The following CINP variants were observed in gnomAD, a reference collection of about 807,000 sequenced individuals.
CINP encodes the protein cyclin-dependent kinase 2-interacting protein.
A neutral mutation model predicts 20.5 loss-of-function variants in CINP; 11 were observed. That is an observed-to-expected ratio of 0.54 (90% CI 0.34 to 0.89). CINP has a LOEUF of 0.89. CINP is among the 40% of genes least tolerant of loss of function. CINP has a pLI of 0.02. For missense variants in CINP, 213 were observed against 251.0 expected (o/e 0.85, Z 1.02); for synonymous variants, 108 against 102.1 (o/e 1.06, Z -0.35).
Position 102,348,445 on chromosome 14 carries a change from A to T in CINP, c.*112T>A. On this transcript the variant is annotated 3_prime_UTR_variant, in exon 5 of 5. Coordinates refer to ENST00000216756, the MANE Select transcript of CINP (RefSeq NM_032630.3). ...GCTGGTGACAAGCTCTGGCCAGAAG[A>T]CCCCAAGGTCTGATCCTGGGGTCTG... The T allele has an allele frequency of 1.2e-6, 1 of 837,368 alleles. No homozygotes were observed. The highest frequency in any genetic ancestry group is 1.7e-6 in the Non-Finnish European group (1 of 580,280). 51.9% of individuals were successfully genotyped at this position (837,368 alleles called of 1,614,324 possible).
In CINP at chr14:102,357,361, G is replaced by A. The variant is rs1887022187; in HGVS notation, c.177-1464C>T. ...TGCACCATTGCACTCCAGCCTGAGC[G>A]ACAGAGCGAGACTCCATCTCTACAA... On this transcript the variant is annotated intron_variant, in intron 2 of 4. Transcript: ENST00000216756. Among the ~76,000 whole-genome samples, 6 of 115,336 alleles carry A rather than the reference G, an allele frequency of 5.2e-5. No individual in the cohort carries two copies. The Admixed American group carries it at 5.3e-4, about 10-fold the overall frequency. The allele number at this position is 115,336 out of a possible 152,430, so 75.7% of individuals were successfully genotyped here. A position where few individuals can be genotyped will look rare whatever the true frequency, so the allele number is the denominator to read the frequency against.
chr14:102,359,134 G>A (rs2139634066), intron 2 of CINP, among the ~76,000 whole-genome samples: 1 of 151,298 alleles, frequency 6.6e-6, no homozygotes, highest in Non-Finnish European at 1.5e-5. Flanking sequence ...CCAGGCGGTA[G>A]AGGTTGCAGT....
Position 102,351,266 on chromosome 14 carries a change from T to C in CINP, c.307-1218A>G, listed in dbSNP as rs11629266. On this transcript the variant is annotated intron_variant, in intron 3 of 4. Coordinates refer to ENST00000216756, the MANE Select transcript of CINP (RefSeq NM_032630.3). This position sits in a 1 kb window ranked among gnomAD's most constrained non-coding sequence, Gnocchi z 4.2. ...CAAGCTGCCATTGACGGTCCCTCAG[T>C]GTGGACCAGGCTCTGTCCTAAGCCC... Among the ~76,000 whole-genome samples, 106,080 of 152,114 alleles carry C rather than the reference T, an allele frequency of 0.7. 37,199 individuals carry two copies. The highest frequency in any genetic ancestry group is 0.73 in the Middle Eastern group (214 of 294).
chr14:102,352,201 C>T (rs1458196420), intron 3 of CINP, among the ~76,000 whole-genome samples: 2 of 152,146 alleles, frequency 1.3e-5, no homozygotes, highest in East Asian at 3.9e-4. Flanking sequence ...CAAGTTTTAA[C>T]ACCCAATCCT....
chr14:102,359,743 A>C, intron 1 of CINP, 156 bp from the exon 2 acceptor site: 1 of 493,758 alleles, frequency 2.0e-6, no homozygotes, highest in Non-Finnish European at 3.5e-6. Flanking sequence ...ATGAATGTGA[A>C]AGTTCCTGGA....
rs1448155693 is a variant in CINP, at chr14:102,362,842, C to G, written c.7+3G>C. ...CCCCGGGAAAGGAACCGATCTCACG[C>G]ACCTTCCATAAGGTCCACAGATATC... On this transcript the variant is annotated splice_donor_region_variant and intron_variant, in intron 1 of 4. Transcript: ENST00000216756. The G allele has an allele frequency of 1.9e-6, 3 of 1,614,008 alleles. No homozygotes were observed. The highest frequency in any genetic ancestry group is 2.5e-6 in the Non-Finnish European group (3 of 1,179,982).
chr14:102,353,385 A>C (rs1310734715), intron 3 of CINP, among the ~76,000 whole-genome samples: 2 of 152,134 alleles, frequency 1.3e-5, no homozygotes, highest in East Asian at 3.9e-4. Flanking sequence ...TCAGCAGTGG[A>C]AAGTCCTGGC....
intron 2 of CINP, among the ~76,000 whole-genome samples, chr14:102,356,415 CAAA>C (rs34032226): frequency 1.6e-5 from 2 of 122,406 alleles, no homozygotes; most frequent in African/African-American, 3.0e-5. Flanking sequence ...AAGACTGTCT[CAAA>C]AAAAAAAAAA....
chr14:102,355,931 T>A, intron 2 of CINP, 34 bp from the exon 3 acceptor site: 1 of 1,609,054 alleles, frequency 6.2e-7, no homozygotes, highest in Non-Finnish European at 8.5e-7. Context: ...GTACAAAATA[T>A]ACTCTTTAAG....
intron 1 of CINP, 109 bp downstream of exon 1, chr14:102,362,736 A>C: frequency 6.9e-7 from 1 of 1,441,398 alleles, no homozygotes; most frequent in Admixed American, 1.7e-5. Flanking sequence ...GAGGACCTCC[A>C]TTTAACCTCA....
At chr14:102,360,318 G>C (rs1311954042) in intron 1 of CINP, among the ~76,000 whole-genome samples, 1 of 151,846 alleles carries the variant, frequency 6.6e-6, no homozygotes, top group Non-Finnish European at 1.5e-5. Context: ...GATGCACCCG[G>C]ATCCCACTGC....
chr14:102,357,991 G>C lies in CINP; in HGVS notation c.176+1428C>G, dbSNP rs574576564. On this transcript the variant is annotated intron_variant, in intron 2 of 4. Transcript: ENST00000216756. ...GGGATATTGCAGTTAGTGACTTTAAGTTGAATCCAATGCTCATTTACCATT... is the reference window on the plus strand; with the variant it reads ...GGGATATTGCAGTTAGTGACTTTAACTTGAATCCAATGCTCATTTACCATT... Among the ~76,000 whole-genome samples the C allele has an allele frequency of 2.6e-5, 4 of 152,330 alleles. No homozygotes were observed. In the South Asian group the frequency reaches 8.3e-4, roughly 32 times the overall value.
chr14:102,354,364 A>G (rs957403463), intron 3 of CINP, among the ~76,000 whole-genome samples: 23 of 152,234 alleles, frequency 1.5e-4, no homozygotes, highest in Admixed American at 1.2e-3. Context: ...ATAAGCTAAG[A>G]TGGTTTTTAC....
At chr14:102,358,713 T>C (rs1388226018) in intron 2 of CINP, among the ~76,000 whole-genome samples, 3 of 151,712 alleles carry the variant, frequency 2.0e-5, no homozygotes, top group African/African-American at 4.8e-5. Context: ...AAAAAGAAAG[T>C]GAGATATAAA....
chr14:102,361,083 T>C (rs1887131967), intron 1 of CINP, among the ~76,000 whole-genome samples: 1 of 152,070 alleles, frequency 6.6e-6, no homozygotes, highest in Non-Finnish European at 1.5e-5. Flanking sequence ...ATTAAGTGTG[T>C]GTGGAAAATA....
chr14:102,349,761 G>A (rs1335658926), intron 4 of CINP, among the ~76,000 whole-genome samples, 158 bp downstream of exon 4: 2 of 152,156 alleles, frequency 1.3e-5, no homozygotes, highest in Non-Finnish European at 2.9e-5. Context: ...TTAAAGCCAA[G>A]AAGAAATGTT....
intron 2 of CINP, among the ~76,000 whole-genome samples, chr14:102,358,327 G>A (rs566129042): frequency 4.1e-4 from 62 of 152,348 alleles, no homozygotes; most frequent in Admixed American, 9.2e-4. Flanking sequence ...AAACAGCAAT[G>A]AGAAAGAACA....
chr14:102,355,201 G>A (rs1886969238), intron 3 of CINP, among the ~76,000 whole-genome samples: 1 of 152,112 alleles, frequency 6.6e-6, no homozygotes, highest in Non-Finnish European at 1.5e-5. Flanking sequence ...GATAGAGACT[G>A]GCTGGCCCTG....
At chr14:102,356,271 T>C (rs1191386863) in intron 2 of CINP, among the ~76,000 whole-genome samples, 1 of 151,924 alleles carries the variant, frequency 6.6e-6, no homozygotes, top group African/African-American at 2.4e-5. Context: ...AAGTAAAAAT[T>C]AGCTGGGCAT....
Sources: allele counts gnomAD v4.1 joint callset (sites outside exome capture counted in the v4.1 genomes callset), GRCh38; gene constraint gnomAD v4.1.1; non-coding constraint Gnocchi (gnomAD v3.1); transcripts MANE v1.5; gene names NCBI Gene and HGNC (gene_info 2026-07-23, HGNC 2026-07-21).